Variants in TDRD15 observed in about 807,000 individuals in gnomAD.
The protein encoded by TDRD15 is tudor domain-containing protein 15.
For missense variants in TDRD15, 1,416 were observed against 904.7 expected, an observed-to-expected ratio of 1.57 and a Z score of -7.25; for synonymous variants, 503 against 314.5, an observed-to-expected ratio of 1.60 and a Z score of -6.34.
rs1193969834 is a variant in TDRD15, at chr2:21,142,356, TAAG to T, written c.4892_4894del (p.Arg1631del). The T allele has an allele frequency of 1.4e-6, 1 of 690,490 alleles. No homozygotes were observed. Among genetic ancestry groups the T allele is most frequent in the Non-Finnish European group, 2.7e-6 (1 of 375,614 alleles). The allele number at this position is 690,490 out of a possible 1,614,324, so 42.8% of individuals were successfully genotyped here. On this transcript the variant is annotated inframe_deletion, in exon 4 of 4. Coordinates refer to ENST00000405799, the MANE Select transcript of TDRD15 (RefSeq NM_001306137.2). ...AATACCAAGCTGCTTAGTAATGAAA[TAAG>T]AAACATTCCTAGACAAGCTGTACCT...
rs778497547 is a variant in TDRD15, at chr2:21,140,021, C to T, written c.2554C>T (p.Arg852Cys). ...TGAAGATCTTTGTGCAATTAACCCA[C>T]GTTTTCTCTTGTTAGAAAGCCAAGC... ...LIEDLCAINP[R>C]FLLLESQAFR... The change falls in exon 4 of 4, where the codon CGT becomes TGT. Residue 852 changes from arginine (R) to cysteine (C), a missense_variant. Transcript: ENST00000405799. 3.9e-5 allele frequency: 28 copies of T among 715,542 alleles called. No individual in the cohort carries two copies. The highest frequency in any genetic ancestry group is 2.3e-4 in the Middle Eastern group (1 of 4,384). 44.3% of individuals were successfully genotyped at this position (715,542 alleles called of 1,614,324 possible).
Position 21,135,352 on chromosome 2 carries a change from C to G in TDRD15, c.-4+505C>G, listed in dbSNP as rs74514637. ...CCCTATTTAGTAAGCATTGTAGAGGCAGGTGAAAGAGTTTGACTGACATCC... is the reference window on the plus strand; with the variant it reads ...CCCTATTTAGTAAGCATTGTAGAGGGAGGTGAAAGAGTTTGACTGACATCC... On this transcript the variant is annotated intron_variant, in intron 3 of 3. Transcript: ENST00000405799. Among the ~76,000 whole-genome samples the G allele has an allele frequency of 7.1e-3, 1,072 of 151,632 alleles. 16 individuals are homozygous for G. The highest frequency in any genetic ancestry group is 0.024 in the African/African-American group (992 of 41,400).
At chr2:21,131,627 A>C (rs913084783) in intron 2 of TDRD15, among the ~76,000 whole-genome samples, 13 of 152,306 alleles carry the variant, frequency 8.5e-5, no homozygotes, top group Non-Finnish European at 1.8e-4. Context: ...AGATATGAGA[A>C]TCCAGCTTAA....
rs529312263 is a variant in TDRD15, at chr2:21,143,755, G to A, written c.*483G>A. On this transcript the variant is annotated 3_prime_UTR_variant, in exon 4 of 4. Transcript: ENST00000405799. ...ATTTGATTCTTTAAAAGTTTTTCAT[G>A]TACTAACATCCAAATTGAAAATATG... Among the ~76,000 whole-genome samples, 1 of 151,698 alleles carries A rather than the reference G, an allele frequency of 6.6e-6. No homozygotes were observed. Among genetic ancestry groups the A allele is most frequent in the South Asian group, 2.1e-4 (1 of 4,826 alleles).
intron 2 of TDRD15, among the ~76,000 whole-genome samples, chr2:21,131,234 A>G (rs1245797402): frequency 6.6e-6 from 1 of 152,194 alleles, no homozygotes; most frequent in Non-Finnish European, 1.5e-5. Flanking sequence ...TGGTGATACC[A>G]ATCAGTTTTG....
At position 21,140,761 on chromosome 2, in the gene TDRD15, T is replaced by C. The variant is rs1296672602; in HGVS notation, c.3294T>C (p.Phe1098=). ...VDIPAEISSW[F]KDNFLGRSLK... ...TTCCAGCAGAAATCAGTAGTTGGTTTAAAGACAATTTCTTGGGAAGATCAT... is the reference window on the plus strand; with the variant it reads ...TTCCAGCAGAAATCAGTAGTTGGTTCAAAGACAATTTCTTGGGAAGATCAT... Residue 1098 remains phenylalanine (F), a synonymous_variant, in exon 4 of 4, where the codon TTT becomes TTC. Transcript: ENST00000405799. 3 of 714,676 alleles carry C rather than the reference T, an allele frequency of 4.2e-6. No individual in the cohort carries two copies. The South Asian group carries it at 4.5e-5, about 11-fold the overall frequency. 44.3% of individuals were successfully genotyped at this position (714,676 alleles called of 1,614,324 possible).
chr2:21,135,158 A>T (rs1665785498), intron 3 of TDRD15, among the ~76,000 whole-genome samples: 1 of 146,718 alleles, frequency 6.8e-6, no homozygotes, highest in African/African-American at 2.5e-5. Flanking sequence ...AATATATTTT[A>T]TATATAAGAT....
At position 21,134,856 on chromosome 2, in the gene TDRD15, T is replaced by G. The variant is rs975373758; in HGVS notation, c.-4+9T>G. 6.6e-6 allele frequency: 1 copy of G among 151,550 alleles called. No individual in the cohort carries two copies. Among genetic ancestry groups the G allele is most frequent in the Non-Finnish European group, 1.5e-5 (1 of 67,816 alleles). 9.4% of individuals were successfully genotyped at this position (151,550 alleles called of 1,614,324 possible). A position where few individuals can be genotyped will look rare whatever the true frequency, so the allele number is the denominator to read the frequency against. The stretch of plus-strand genomic sequence containing the variant: ...AATCCTGTGTATACAGTGTAAGTAC[T>G]TTCTGTGATATAATAGTCTTCTAAG... On this transcript the variant is annotated intron_variant, in intron 3 of 3. Transcript: ENST00000405799.
At chr2:21,134,234 T>C (rs1665768015) in intron 2 of TDRD15, among the ~76,000 whole-genome samples, 2 of 151,970 alleles carry the variant, frequency 1.3e-5, no homozygotes, top group African/African-American at 4.8e-5. Context: ...GGAACTGTGA[T>C]GCTGTGTATT....
intron 1 of TDRD15, among the ~76,000 whole-genome samples, chr2:21,125,029 TGA>T (rs1333759286): frequency 7.0e-6 from 1 of 142,186 alleles, no homozygotes; most frequent in African/African-American, 2.7e-5. Flanking sequence ...GGTGTGTGTG[TGA>T]GAGAGACCCT....
Position 21,138,120 on chromosome 2 carries a change from G to A in TDRD15, c.653G>A (p.Gly218Asp). Residue 218 changes from glycine to aspartate, a missense_variant, in exon 4 of 4, where the codon GGT becomes GAT. Transcript: ENST00000405799. The stretch of plus-strand genomic sequence containing the variant: ...CATAAAAGGCCTGAATTGTCATTAG[G>A]TAATAAAGATACTTCACTTGATATT... ...LQHKRPELSL[G>D]NKDTSLDIQH... 1 of 716,494 alleles carries A rather than the reference G, an allele frequency of 1.4e-6. No homozygotes were observed. The highest frequency in any genetic ancestry group is 2.6e-6 in the Non-Finnish European group (1 of 384,422). 44.4% of individuals were successfully genotyped at this position (716,494 alleles called of 1,614,324 possible).
intron 1 of TDRD15, among the ~76,000 whole-genome samples, chr2:21,124,858 C>G (rs1665552425): frequency 7.5e-6 from 1 of 133,844 alleles, no homozygotes; most frequent in African/African-American, 2.8e-5. Context: ...GATCCTAATG[C>G]CAGAGTGTGT....
At chr2:21,128,079 T>C (rs1330776969) in intron 2 of TDRD15, among the ~76,000 whole-genome samples, 1 of 152,196 alleles carries the variant, frequency 6.6e-6, no homozygotes, top group Non-Finnish European at 1.5e-5. Context: ...TAAGTTTACA[T>C]GACAAAAATA....
Position 21,141,686 on chromosome 2 carries a change from C to T in TDRD15, c.4219C>T (p.His1407Tyr). The T allele has an allele frequency of 1.4e-6, 1 of 715,274 alleles. No individual in the cohort carries two copies. The highest frequency in any genetic ancestry group is 2.6e-6 in the Non-Finnish European group (1 of 383,592). 44.3% of individuals were successfully genotyped at this position (715,274 alleles called of 1,614,324 possible). Residue 1407 changes from histidine to tyrosine, a missense_variant, in exon 4 of 4, where the codon CAT becomes TAT. Physicochemically the swap from His to Tyr is moderately conservative, Grantham distance 83. Transcript: ENST00000405799. The part of the protein sequence containing the change: ...EFLTVPQLGI[H>Y]AFLSGVKWNE... Reference sequence around the variant, plus strand: ...TTTAACTGTTCCTCAGCTAGGAATCCATGCTTTTCTTAGTGGAGTAAAATG... The same window carrying T: ...TTTAACTGTTCCTCAGCTAGGAATCTATGCTTTTCTTAGTGGAGTAAAATG...
Position 21,137,981 on chromosome 2 carries a change from A to G in TDRD15, c.514A>G (p.Ile172Val), listed in dbSNP as rs1305222866. 8.4e-6 allele frequency: 6 copies of G among 716,802 alleles called. No individual in the cohort carries two copies. The highest frequency in any genetic ancestry group is 1.7e-5 in the African/African-American group (1 of 57,180). The allele number at this position is 716,802 out of a possible 1,614,324, so 44.4% of individuals were successfully genotyped here. A position where few individuals can be genotyped will look rare whatever the true frequency, so the allele number is the denominator to read the frequency against. The change falls in exon 4 of 4, where the codon ATT (isoleucine) becomes GTT (valine). Residue 172 changes from isoleucine to valine, a missense_variant. Transcript: ENST00000405799. The stretch of plus-strand genomic sequence containing the variant: ...AATGTTTCTTTTTGAAGTGCCAAAA[A>G]TTATATCTCAGGCTCTCGAGTTACA... ...LQMFLFEVPK[I>V]ISQALELQLG...
chr2:21,125,649 G>C (rs565572453), intron 1 of TDRD15, among the ~76,000 whole-genome samples: 1 of 152,150 alleles, frequency 6.6e-6, no homozygotes, highest in South Asian at 2.1e-4. Context: ...CTAACCTTTT[G>C]AAATTAACAA....
intron 1 of TDRD15, among the ~76,000 whole-genome samples, chr2:21,127,093 C>T (rs182699769): frequency 3.9e-5 from 6 of 152,150 alleles, no homozygotes; most frequent in East Asian, 1.9e-4. Context: ...TTTTCAAATG[C>T]GAATTTTCCA....
In TDRD15 at chr2:21,137,458, T is replaced by C; in HGVS notation, c.-3-7T>C. 1 of 619,314 alleles carries C rather than the reference T, an allele frequency of 1.6e-6. No individual in the cohort carries two copies. Among genetic ancestry groups the C allele is most frequent in the Non-Finnish European group, 2.9e-6 (1 of 341,772 alleles). 38.4% of individuals were successfully genotyped at this position (619,314 alleles called of 1,614,324 possible). On this transcript the variant is annotated splice_region_variant and splice_polypyrimidine_tract_variant and intron_variant, in intron 3 of 3. Transcript: ENST00000405799. The stretch of plus-strand genomic sequence containing the variant: ...TAGCTAATGAGTAATTATTATTTGC[T>C]TTTTAGAAAATGGATTCTACATCTT...
Position 21,141,925 on chromosome 2 carries a change from C to T in TDRD15, c.4458C>T (p.Leu1486=), listed in dbSNP as rs1476690181. The change falls in exon 4 of 4, where the codon CTC becomes CTT. Residue 1486 remains leucine (L), a synonymous_variant. Coordinates refer to ENST00000405799, the MANE Select transcript of TDRD15 (RefSeq NM_001306137.2). ...QKSALQMPQV[L]SQKVRPGDNE... ...CAGCATTGCAGATGCCTCAGGTTCT[C>T]TCTCAAAAGGTGAGGCCAGGTGATA... 1.4e-6 allele frequency: 1 copy of T among 714,840 alleles called. No individual in the cohort carries two copies. The highest frequency in any genetic ancestry group is 1.5e-5 in the South Asian group (1 of 67,396). 44.3% of individuals were successfully genotyped at this position (714,840 alleles called of 1,614,324 possible). A position where few individuals can be genotyped will look rare whatever the true frequency, so the allele number is the denominator to read the frequency against.
Sources: allele counts gnomAD v4.1 joint callset (sites outside exome capture counted in the v4.1 genomes callset), GRCh38; gene constraint gnomAD v4.1.1; transcripts MANE v1.5; gene names NCBI Gene and HGNC (gene_info 2026-07-23, HGNC 2026-07-21).